The following ABCC4 variants were observed in gnomAD, a reference collection of about 807,000 sequenced individuals.
ABCC4 encodes the protein ATP-binding cassette sub-family C member 4.
ABCC4 carries 102 observed loss-of-function variants against 168.5 expected under a neutral mutation model. The ratio of observed to expected loss-of-function variants is 0.61; its 90% CI spans 0.52 to 0.71. The LOEUF is 0.71. Among genes scored for constraint, ABCC4 ranks in the 30% least tolerant of loss-of-function variants. The pLI is 0.00. For synonymous variants in ABCC4, 617 were observed against 590.7 expected (o/e 1.04, Z -0.65); for missense variants, 1,402 against 1,605.8 (o/e 0.87, Z 2.17).
intron 1 of ABCC4, among the ~76,000 whole-genome samples, chr13:95,253,570 C>T (rs2040321050): frequency 6.6e-6 from 1 of 151,918 alleles, no homozygotes; most frequent in African/African-American, 2.4e-5. Flanking sequence ...CATGATGAAA[C>T]CCCGCCTCTA....
At chr13:95,228,764 G>GAAAAA (rs538224986) in intron 4 of ABCC4, among the ~76,000 whole-genome samples, 1 of 120,368 alleles carries the variant, frequency 8.3e-6, no homozygotes, top group African/African-American at 3.0e-5. Flanking sequence ...ACTCTGTCTT[G>GAAAAA]AAAAAAAAAA....
intron 1 of ABCC4, among the ~76,000 whole-genome samples, chr13:95,258,718 A>C (rs1169724742): frequency 1.3e-5 from 2 of 152,278 alleles, no homozygotes; most frequent in African/African-American, 4.8e-5. Context: ...GAGCAGCAGC[A>C]GAGAACACCC....
Position 95,296,174 on chromosome 13 carries a change from ACACACACAC to A in ABCC4, c.74+5058_74+5066del, listed in dbSNP as rs1566609466. 4.5e-3 allele frequency among the ~76,000 whole-genome samples: 383 copies of A among 85,690 alleles called. 1 individual carries two copies. The highest frequency in any genetic ancestry group is 0.015 in the African/African-American group (371 of 24,840). The allele number at this position is 85,690 out of a possible 152,430, so 56.2% of individuals were successfully genotyped here. On this transcript the variant is annotated intron_variant, in intron 1 of 30. Coordinates refer to ENST00000645237, the MANE Select transcript of ABCC4 (RefSeq NM_005845.5). ...CACACACACACACACACACACACAC[ACACACACAC>A]AAAAACACAAAATTAAATGGCCAGG... is the stretch of plus-strand genomic sequence containing the variant.
intron 5 of ABCC4, 37 bp from the exon 6 acceptor site, chr13:95,209,634 G>A (rs1279808852): frequency 7.0e-6 from 11 of 1,575,784 alleles, no homozygotes; most frequent in African/African-American, 6.8e-5. Flanking sequence ...TAGGACTCCA[G>A]AAAAGCAAAA....
chr13:95,282,442 A>C (rs371544244), intron 1 of ABCC4, among the ~76,000 whole-genome samples: 39 of 152,354 alleles, frequency 2.6e-4, no homozygotes, highest in African/African-American at 8.9e-4. Context: ...TGTTTAATGA[A>C]ACAGAATCGA....
chr13:95,186,529 C>T (rs544152880), intron 11 of ABCC4, among the ~76,000 whole-genome samples, 172 bp downstream of exon 11: 3 of 152,236 alleles, frequency 2.0e-5, no homozygotes, highest in Admixed American at 1.3e-4. Flanking sequence ...TCGCATCAGA[C>T]GTAAAAGGAC....
At chr13:95,117,011 C>T (rs1361218046) in intron 19 of ABCC4, among the ~76,000 whole-genome samples, 1 of 152,194 alleles carries the variant, frequency 6.6e-6, no homozygotes, top group Non-Finnish European at 1.5e-5. Context: ...GTAGACGGAG[C>T]TGCCTCCCGC....
In ABCC4 at chr13:95,234,662, T is replaced by C; in HGVS notation, c.479A>G (p.Gln160Arg). Reference sequence around the variant, plus strand: ...TACTCGTAACCTCATCCCAGCACACTGAACGTGATAAAAATATAAGTGATG... The same window carrying C: ...TACTCGTAACCTCATCCCAGCACACCGAACGTGATAAAAATATAAGTGATG... ...ILHHLYFYHV[Q>R]CAGMRLRVAM... The change falls in exon 4 of 31, where the codon CAG (glutamine) becomes CGG (arginine). Residue 160 changes from glutamine to arginine, a missense_variant. By Grantham distance (43) the Gln-to-Arg change is conservative. Transcript: ENST00000645237. 6.2e-7 allele frequency: 1 copy of C among 1,614,112 alleles called. No homozygotes were observed. Among genetic ancestry groups the C allele is most frequent in the Non-Finnish European group, 8.5e-7 (1 of 1,180,008 alleles).
chr13:95,140,553 G>A (rs1594168163), intron 19 of ABCC4, among the ~76,000 whole-genome samples: 1 of 152,224 alleles, frequency 6.6e-6, no homozygotes, highest in East Asian at 1.9e-4. Flanking sequence ...TAAGAAGAGA[G>A]GAGAAATTTC....
chr13:95,186,614 A>T (rs2038068209), intron 11 of ABCC4, 87 bp downstream of exon 11: 7 of 1,266,538 alleles, frequency 5.5e-6, no homozygotes, highest in African/African-American at 1.5e-5. Context: ...TTTAAAAATT[A>T]AAAAAAAGTT....
At chr13:95,125,438 G>A (rs180894262) in intron 19 of ABCC4, among the ~76,000 whole-genome samples, 3 of 152,214 alleles carry the variant, frequency 2.0e-5, no homozygotes, top group Admixed American at 1.3e-4. Context: ...CTCTCTCTTG[G>A]CTAATCATAA....
At chr13:95,071,897 T>C in intron 24 of ABCC4, 44 bp from the exon 25 acceptor site, 1 of 1,341,974 alleles carries the variant, frequency 7.5e-7, no homozygotes, top group Non-Finnish European at 9.9e-7. Context: ...ATGGAGGGTG[T>C]CATTTATGGA....
chr13:95,101,555 T>C (rs548385566), intron 20 of ABCC4, among the ~76,000 whole-genome samples: 3 of 152,298 alleles, frequency 2.0e-5, no homozygotes, highest in African/African-American at 7.2e-5. Context: ...TGTTTTTTTC[T>C]AGTAGGAAGA....
At chr13:95,028,034 T>C (rs936968973) in intron 30 of ABCC4, among the ~76,000 whole-genome samples, 6 of 151,968 alleles carry the variant, frequency 3.9e-5, no homozygotes, top group Non-Finnish European at 8.8e-5. Flanking sequence ...CCAGTGTGGA[T>C]TTAGGACCAA....
chr13:95,268,695 T>C (rs2040753234), intron 1 of ABCC4, among the ~76,000 whole-genome samples: 1 of 152,170 alleles, frequency 6.6e-6, no homozygotes, highest in Non-Finnish European at 1.5e-5. Flanking sequence ...CAGCACCTTT[T>C]TCTTAACCTT....
intron 20 of ABCC4, among the ~76,000 whole-genome samples, chr13:95,094,839 C>T (rs1225929366): frequency 6.6e-6 from 1 of 151,792 alleles, no homozygotes; most frequent in Non-Finnish European, 1.5e-5. Flanking sequence ...AAAAAAATCT[C>T]ATCAGAAAGT....
At chr13:95,232,629 G>T (rs1056255667) in intron 4 of ABCC4, among the ~76,000 whole-genome samples, 3 of 150,164 alleles carry the variant, frequency 2.0e-5, no homozygotes, top group African/African-American at 7.4e-5. Context: ...GTGAGCAGAG[G>T]TTGCACCACT....
intron 20 of ABCC4, among the ~76,000 whole-genome samples, chr13:95,092,016 A>C (rs1361050734): frequency 1.3e-5 from 2 of 152,180 alleles, no homozygotes; most frequent in Non-Finnish European, 2.9e-5. Flanking sequence ...AGCTATTCTT[A>C]TATCAGACAA....
chr13:95,089,420 C>T (rs146249435), intron 20 of ABCC4, among the ~76,000 whole-genome samples: 1 of 152,088 alleles, frequency 6.6e-6, no homozygotes, highest in Non-Finnish European at 1.5e-5. Context: ...GAGTTTGAGA[C>T]CAGCCTGGCC....
Sources: allele counts gnomAD v4.1 joint callset (sites outside exome capture counted in the v4.1 genomes callset), GRCh38; gene constraint gnomAD v4.1.1; transcripts MANE v1.5; gene names NCBI Gene and HGNC (gene_info 2026-07-23, HGNC 2026-07-21).